KCTD1: variants seen among roughly 807,000 people sequenced by gnomAD.
KCTD1 encodes BTB/POZ domain-containing protein KCTD1.
KCTD1 carries 24 observed loss-of-function variants against 66.0 expected under a neutral mutation model. That is an observed-to-expected ratio of 0.36 (90% confidence interval 0.26 to 0.51). The LOEUF is 0.51. Among genes scored for constraint, KCTD1 ranks in the 20% least tolerant of loss-of-function variants. The pLI is 0.95. For missense variants in KCTD1, 943 were observed against 1,205.2 expected, an observed-to-expected ratio of 0.78 and a Z score of 3.22; for synonymous variants, 511 against 517.2, an observed-to-expected ratio of 0.99 and a Z score of 0.16.
intron 1 of KCTD1, among the ~76,000 whole-genome samples, chr18:26,565,023 T>A (rs1985950045): frequency 6.6e-6 from 1 of 152,218 alleles, no homozygotes; most frequent in Non-Finnish European, 1.5e-5. Context: ...AAAATGATAA[T>A]GTTAGTCAAG....
intron 1 of KCTD1, among the ~76,000 whole-genome samples, chr18:26,582,676 G>A (rs1470953397): frequency 1.3e-5 from 2 of 152,172 alleles, no homozygotes; most frequent in Admixed American, 1.3e-4. Flanking sequence ...AAATTAACGT[G>A]CAGCCTGCAA....
At chr18:26,519,857 T>TA (rs1261993095) in intron 1 of KCTD1, among the ~76,000 whole-genome samples, 1 of 152,190 alleles carries the variant, frequency 6.6e-6, no homozygotes, top group Non-Finnish European at 1.5e-5. Context: ...CTGCTCTAGG[T>TA]AAAAGTCTAT....
chr18:26,621,053 T>A (rs925571694), intron 1 of KCTD1, among the ~76,000 whole-genome samples: 17 of 151,510 alleles, frequency 1.1e-4, no homozygotes, highest in African/African-American at 4.1e-4. Context: ...CAGGATGGTC[T>A]TGATCTCCTG....
At chr18:26,462,214 C>T (rs529026279) in intron 3 of KCTD1, among the ~76,000 whole-genome samples, 2 of 152,334 alleles carry the variant, frequency 1.3e-5, no homozygotes, top group African/African-American at 4.8e-5. Context: ...TTGGAAAAGT[C>T]GAGAAACACT....
intron 1 of KCTD1, among the ~76,000 whole-genome samples, chr18:26,607,943 A>C (rs1473833260): frequency 1.3e-5 from 2 of 151,856 alleles, no homozygotes; most frequent in Non-Finnish European, 2.9e-5. Context: ...AATTTTTAAA[A>C]ATTTGTTTGT....
chr18:26,593,883 AAGG>A (rs112814577), intron 1 of KCTD1, among the ~76,000 whole-genome samples: 13 of 94,378 alleles, frequency 1.4e-4, no homozygotes, highest in East Asian at 2.8e-4. Context: ...AGAGGAAGAT[AAGG>A]AGGAGGAGGA....
intron 1 of KCTD1, among the ~76,000 whole-genome samples, chr18:26,602,800 C>T (rs1042379508): frequency 6.6e-6 from 1 of 152,192 alleles, no homozygotes; most frequent in African/African-American, 2.4e-5. Flanking sequence ...CATATGCTCA[C>T]CTGCGAATAA....
intron 1 of KCTD1, among the ~76,000 whole-genome samples, chr18:26,616,721 G>T (rs919606890): frequency 2.0e-4 from 30 of 151,828 alleles, no homozygotes; most frequent in African/African-American, 7.3e-4. Flanking sequence ...ACCAGGTCTG[G>T]TTACTCAGGC....
chr18:26,532,261 C>CTTTCTTTTTTTTTTTTTTTTTT (rs1394278500), intron 1 of KCTD1, among the ~76,000 whole-genome samples: 24 of 29,558 alleles, frequency 8.1e-4, no homozygotes, highest in African/African-American at 1.6e-3. Context: ...TTCTTTCCTT[C>CTTTCTTTTTTTTTTTTTTTTTT]TTTTTTTTTT....
At chr18:26,614,716 T>A (rs531299187) in intron 1 of KCTD1, among the ~76,000 whole-genome samples, 1 of 152,350 alleles carries the variant, frequency 6.6e-6, no homozygotes, top group East Asian at 1.9e-4. Context: ...GTAGTATTTT[T>A]AAACCACCTC....
chr18:26,530,533 C>A (rs1333267139), intron 1 of KCTD1, among the ~76,000 whole-genome samples: 1 of 152,136 alleles, frequency 6.6e-6, no homozygotes, highest in East Asian at 1.9e-4. Context: ...CACAACCTAC[C>A]CAAACAGACC....
At position 26,565,259 on chromosome 18, in the gene KCTD1, C is replaced by A. The variant is rs529008170; in HGVS notation, c.-16+63888G>T. ...CTTTATTTTTGCAAACAATTGAATT[C>A]TTTCATTCATAACCTTTCCCTTTAC... is the stretch of plus-strand genomic sequence containing the variant. On this transcript the variant is annotated intron_variant, in intron 1 of 4. Coordinates refer to the KCTD1 transcript ENST00000317932. Among the ~76,000 whole-genome samples the A allele has an allele frequency of 3.3e-5, 5 of 152,298 alleles. No individual in the cohort carries two copies. In the South Asian group the frequency reaches 6.2e-4, roughly 19 times the overall value.
chr18:26,593,361 GAGGAGGAGGAGGA>G (rs1986661923), intron 1 of KCTD1, among the ~76,000 whole-genome samples: 1 of 96,890 alleles, frequency 1.0e-5, no homozygotes, highest in Non-Finnish European at 2.1e-5. Flanking sequence ...GGAGGAGGAA[GAGGAGGAGGAGGA>G]AGAGGAGGAG....
chr18:26,565,723 T>A (rs1375217862), intron 1 of KCTD1: 1 of 133,208 alleles, frequency 7.5e-6, no homozygotes, highest in Admixed American at 7.6e-5. Flanking sequence ...TTAGTGCCAA[T>A]TTTTTTTTTT....
At chr18:26,646,962 C>T (rs931795353) in intron 1 of KCTD1, among the ~76,000 whole-genome samples, 1 of 152,162 alleles carries the variant, frequency 6.6e-6, no homozygotes, top group Non-Finnish European at 1.5e-5. Flanking sequence ...CTTTCACTCA[C>T]TCAACCCTGG....
At position 26,535,116 on chromosome 18, in the gene KCTD1, G is replaced by GGGA. The variant is rs1305903654; in HGVS notation, c.1809+11611_1809+11612insTCC. ...GGGAAAGGCCTGGGGTTGGGGGGTG[G>GGGA]GGGTGGAGCTGCCATCCTGTGCCAA... is the stretch of plus-strand genomic sequence containing the variant. On this transcript the variant is annotated intron_variant, in intron 1 of 4. Coordinates refer to ENST00000580059, the MANE Select transcript of KCTD1 (RefSeq NM_001142730.3). Among the ~76,000 whole-genome samples, 85 of 138,480 alleles carry GGGA rather than the reference G, an allele frequency of 6.1e-4. 3 individuals carry two copies. Among genetic ancestry groups the GGGA allele is most frequent in the Non-Finnish European group, 9.9e-4 (63 of 63,896 alleles). 90.8% of individuals were successfully genotyped at this position (138,480 alleles called of 152,430 possible).
intron 1 of KCTD1, among the ~76,000 whole-genome samples, chr18:26,569,019 C>T (rs1986044758): frequency 6.6e-6 from 1 of 152,116 alleles, no homozygotes; most frequent in Non-Finnish European, 1.5e-5. Context: ...CTGATCCCAC[C>T]TCTATTGCAT....
At position 26,455,497 on chromosome 18, in the gene KCTD1, C is replaced by A; in HGVS notation, c.*246G>T. The A allele has an allele frequency of 2.8e-5, 5 of 175,880 alleles. No homozygotes were observed. The highest frequency in any genetic ancestry group is 5.4e-5 in the Non-Finnish European group (5 of 91,956). 10.9% of individuals were successfully genotyped at this position (175,880 alleles called of 1,614,324 possible). ...TGCGGCTGTCACCTTTTTTTTTTTTCTTTTTTGCATTTCCTACCTTTTGAC... is the reference window on the plus strand; with the variant it reads ...TGCGGCTGTCACCTTTTTTTTTTTTATTTTTTGCATTTCCTACCTTTTGAC... On this transcript the variant is annotated 3_prime_UTR_variant, in exon 5 of 5. Coordinates refer to ENST00000580059, the MANE Select transcript of KCTD1 (RefSeq NM_001142730.3).
At chr18:26,540,457 C>A (rs941539706) in intron 1 of KCTD1, among the ~76,000 whole-genome samples, 4 of 152,104 alleles carry the variant, frequency 2.6e-5, no homozygotes, top group African/African-American at 9.7e-5. Flanking sequence ...TTGAACTGTG[C>A]GGGTTCACTT....
Sources: gnomAD v4.1 joint callset for allele counts (sites outside exome capture counted in the v4.1 genomes callset) on GRCh38, gnomAD v4.1.1 for gene constraint, MANE v1.5 for transcripts, NCBI Gene and HGNC (gene_info 2026-07-23, HGNC 2026-07-21) for gene names.